Variants in TAFA5 observed in about 807,000 individuals in gnomAD.
TAFA5 encodes TAFA chemokine like family member 5.
TAFA5 carries 6 observed loss-of-function variants against 15.3 expected under a neutral mutation model. That is an observed-to-expected ratio of 0.39 (90% CI 0.21 to 0.77). TAFA5 has a LOEUF of 0.77. Ranked by LOEUF, TAFA5 falls within the 30% of genes least tolerant of loss-of-function variation. The pLI, the probability that TAFA5 is intolerant of heterozygous loss-of-function variation, is 0.41. For synonymous variants in TAFA5, 103 were observed against 80.7 expected, an observed-to-expected ratio of 1.28 and a Z score of -1.48; for missense variants, 161 against 193.1, an observed-to-expected ratio of 0.83 and a Z score of 0.98.
chr22:48,691,801 T>C (rs4925406), intron 2 of TAFA5, among the ~76,000 whole-genome samples: 93,425 of 152,114 alleles, frequency 0.61, 29,075 homozygotes, highest in African/African-American at 0.68. Context: ...TTGAGTCTCG[T>C]GGGATGGCGA....
intron 3 of TAFA5, among the ~76,000 whole-genome samples, chr22:48,723,593 C>G (rs752980349): frequency 5.3e-5 from 8 of 152,328 alleles, no homozygotes; most frequent in Non-Finnish European, 1.2e-4. Context: ...ACCAAAAAGA[C>G]TTACTGGGTC....
At chr22:48,521,828 G>A (rs1045623608) in intron 1 of TAFA5, among the ~76,000 whole-genome samples, 18 of 152,270 alleles carry the variant, frequency 1.2e-4, no homozygotes, top group African/African-American at 3.1e-4. Flanking sequence ...GGCTCTCTGC[G>A]TTCACCTGGC....
intron 2 of TAFA5, among the ~76,000 whole-genome samples, chr22:48,649,122 C>A (rs961445328): frequency 6.6e-6 from 1 of 152,188 alleles, no homozygotes; most frequent in Non-Finnish European, 1.5e-5. Flanking sequence ...GAAGGGGCCG[C>A]GGGCTCTTGG....
chr22:48,688,363 T>C (rs1928430340), intron 2 of TAFA5, among the ~76,000 whole-genome samples: 1 of 152,252 alleles, frequency 6.6e-6, no homozygotes, highest in African/African-American at 2.4e-5. Context: ...TTATCTAATT[T>C]TAAGATGTAA....
intron 2 of TAFA5, among the ~76,000 whole-genome samples, chr22:48,704,180 C>T (rs1254970750): frequency 7.3e-6 from 1 of 136,168 alleles, no homozygotes; most frequent in Non-Finnish European, 1.6e-5. Flanking sequence ...GCTAGAGAAA[C>T]ACACCCTCAA....
chr22:48,517,255 C>G (rs1921443681), intron 1 of TAFA5, among the ~76,000 whole-genome samples: 2 of 152,220 alleles, frequency 1.3e-5, no homozygotes, highest in Non-Finnish European at 2.9e-5. Flanking sequence ...AAAGCAACTG[C>G]TACAGGGCCC....
At chr22:48,590,986 G>A (rs1284066863) in intron 1 of TAFA5, among the ~76,000 whole-genome samples, 1 of 152,020 alleles carries the variant, frequency 6.6e-6, no homozygotes, top group African/African-American at 2.4e-5. Context: ...TGAGTAGCTG[G>A]GATTACAGGC....
chr22:48,554,366 T>C (rs1922958274), intron 1 of TAFA5, among the ~76,000 whole-genome samples: 1 of 152,234 alleles, frequency 6.6e-6, no homozygotes, highest in Non-Finnish European at 1.5e-5. Flanking sequence ...GTAAGGGTTT[T>C]TTAAAAATCA....
chr22:48,597,213 G>T (rs1005760773), intron 1 of TAFA5, among the ~76,000 whole-genome samples: 1 of 152,226 alleles, frequency 6.6e-6, no homozygotes, highest in Non-Finnish European at 1.5e-5. Flanking sequence ...CCCTGAGCGT[G>T]TCCCCAGAGT....
chr22:48,646,216 C>T lies in TAFA5; in HGVS notation c.113-381C>T, dbSNP rs531172328. Among the ~76,000 whole-genome samples, 7 of 152,290 alleles carry T rather than the reference C, an allele frequency of 4.6e-5. No homozygotes were observed. In the East Asian group the frequency reaches 7.8e-4, roughly 17 times the overall value. ...GGGATGGAGACCAAGCACTGTGCCTCGTACAGCCCGGCTTCTCTCCAGCAG... is the reference window on the plus strand; with the variant it reads ...GGGATGGAGACCAAGCACTGTGCCTTGTACAGCCCGGCTTCTCTCCAGCAG... On this transcript the variant is annotated intron_variant, in intron 1 of 3. Coordinates refer to ENST00000402357, the MANE Select transcript of TAFA5 (RefSeq NM_001082967.3).
chr22:48,664,134 G>T (rs559313158), intron 2 of TAFA5, among the ~76,000 whole-genome samples: 39 of 152,326 alleles, frequency 2.6e-4, no homozygotes, highest in African/African-American at 8.9e-4. Context: ...TGGAAAAGGC[G>T]TTCAGTTTGT....
rs1411958093 is a variant in TAFA5, at chr22:48,707,565, C to T, written c.263-152C>T. ...CCAGGAAGCTGGCAAAGCCCCTGGG[C>T]CCAGTGTCCCTGTGTGAGGGTCCCT... On this transcript the variant is annotated intron_variant, in intron 2 of 3. Transcript: ENST00000402357. 2.6e-5 allele frequency among the ~76,000 whole-genome samples: 4 copies of T among 152,270 alleles called. No homozygotes were observed. In the East Asian group the frequency reaches 7.8e-4, roughly 30 times the overall value.
At chr22:48,630,878 T>C (rs1322950825) in intron 1 of TAFA5, among the ~76,000 whole-genome samples, 4 of 151,994 alleles carry the variant, frequency 2.6e-5, no homozygotes, top group Non-Finnish European at 5.9e-5. Context: ...CTGCCCCCTA[T>C]ACCCAGATAC....
chr22:48,722,912 G>A (rs904339760), intron 3 of TAFA5, among the ~76,000 whole-genome samples: 3 of 152,224 alleles, frequency 2.0e-5, no homozygotes, highest in Non-Finnish European at 2.9e-5. Context: ...AGGAGTGAGT[G>A]TGTGGCTGCA....
rs935983972 is a variant in TAFA5, at chr22:48,699,119, G to A, written c.263-8598G>A. Reference sequence around the variant, plus strand: ...AGCTAATTTTTGTATTTTTAGTAGAGACGGGGTTTCACCATGTTGGCCAGG... The same window carrying A: ...AGCTAATTTTTGTATTTTTAGTAGAAACGGGGTTTCACCATGTTGGCCAGG... On this transcript the variant is annotated intron_variant, in intron 2 of 3. Coordinates refer to ENST00000402357, the MANE Select transcript of TAFA5 (RefSeq NM_001082967.3). Among the ~76,000 whole-genome samples the A allele has an allele frequency of 2.6e-5, 4 of 152,096 alleles. No individual in the cohort carries two copies. The South Asian group carries it at 8.3e-4, about 32-fold the overall frequency.
At chr22:48,682,718 G>A (rs1928232446) in intron 2 of TAFA5, among the ~76,000 whole-genome samples, 1 of 152,234 alleles carries the variant, frequency 6.6e-6, no homozygotes, top group South Asian at 2.1e-4. Flanking sequence ...TTACCCAGAA[G>A]CACAGTCATT....
chr22:48,696,889 G>A (rs1196970510), intron 2 of TAFA5, among the ~76,000 whole-genome samples: 7 of 152,250 alleles, frequency 4.6e-5, no homozygotes, highest in Admixed American at 3.3e-4. Context: ...AGGATACGAG[G>A]AGGGAGCTCC....
chr22:48,652,870 G>T (rs1927105265), intron 2 of TAFA5, among the ~76,000 whole-genome samples: 1 of 152,112 alleles, frequency 6.6e-6, no homozygotes, highest in Non-Finnish European at 1.5e-5. Flanking sequence ...GGAGATCCCA[G>T]CATTTCTGGA....
At chr22:48,699,833 G>T (rs549932199) in intron 2 of TAFA5, among the ~76,000 whole-genome samples, 2 of 152,336 alleles carry the variant, frequency 1.3e-5, no homozygotes, top group Non-Finnish European at 2.9e-5. Flanking sequence ...CTGATGAACT[G>T]CTCTGAGACG....
Sources: gnomAD v4.1 joint callset for allele counts (sites outside exome capture counted in the v4.1 genomes callset) on GRCh38, gnomAD v4.1.1 for gene constraint, MANE v1.5 for transcripts, NCBI Gene and HGNC (gene_info 2026-07-23, HGNC 2026-07-21) for gene names.